Variants in PGM3 observed in about 807,000 individuals in gnomAD.
PGM3 encodes phosphoacetylglucosamine mutase.
Under a neutral mutation model 66.2 loss-of-function variants are expected in PGM3, and 40 were observed. That is an observed-to-expected ratio of 0.60 (90% CI 0.47 to 0.79). The LOEUF (loss-of-function observed/expected upper bound fraction) is 0.79. PGM3 is among the 30% of genes least tolerant of loss of function. The pLI, the probability that PGM3 is intolerant of heterozygous loss-of-function variation, is 0.00. For missense variants in PGM3, 537 were observed against 643.4 expected, an observed-to-expected ratio of 0.83 and a Z score of 1.79; for synonymous variants, 191 against 224.2, an observed-to-expected ratio of 0.85 and a Z score of 1.32.
Position 83,174,417 on chromosome 6 carries a change from TTTC to T in PGM3, c.1196_1198del (p.Arg399del). On this transcript the variant is annotated inframe_deletion, in exon 10 of 13. Coordinates refer to ENST00000513973, the MANE Select transcript of PGM3 (RefSeq NM_015599.3). ...AATGTTTTCAAGCATCTTAGCAGCT[TTTC>T]TTTTCTTATCTTCCAGTTGTTCTGC... 1.2e-6 allele frequency: 2 copies of T among 1,609,094 alleles called. No individual in the cohort carries two copies. The highest frequency in any genetic ancestry group is 1.7e-6 in the Non-Finnish European group (2 of 1,176,792).
intron 4 of PGM3, among the ~76,000 whole-genome samples, chr6:83,185,281 G>A (rs142151792): frequency 3.0e-4 from 45 of 152,302 alleles, no homozygotes; most frequent in African/African-American, 1.1e-3. Flanking sequence ...TTAAACAGAT[G>A]ACTGCATGTC....
rs951678634 is a variant in PGM3, at chr6:83,168,957, C to T, written c.*277G>A. 8.5e-7 allele frequency: 1 copy of T among 1,174,164 alleles called. No homozygotes were observed. Among genetic ancestry groups the T allele is most frequent in the African/African-American group, 1.5e-5 (1 of 64,626 alleles). The allele number at this position is 1,174,164 out of a possible 1,614,324, so 72.7% of individuals were successfully genotyped here. ...AGTAGCCTGCATGAATTGTTCCCCA[C>T]ATAAAACTGTACAGTTAGTGACTGA... On this transcript the variant is annotated 3_prime_UTR_variant, in exon 13 of 13. Transcript: ENST00000513973.
At chr6:83,188,215 G>A (rs930548074) in intron 3 of PGM3, among the ~76,000 whole-genome samples, 3 of 152,052 alleles carry the variant, frequency 2.0e-5, no homozygotes, top group African/African-American at 7.2e-5. Context: ...ATGGGAAAAT[G>A]ATATAAATAT....
At chr6:83,157,394 TATTA>T, downstream of PGM3, 7 of 1,438,474 alleles carry the variant, frequency 4.9e-6, no homozygotes, top group Non-Finnish European at 6.8e-6. Context: ...GCTTACTAGA[TATTA>T]ACGAATATTG....
At position 83,166,356 on chromosome 6, in the gene PGM3, T is replaced by G. The variant is rs1481416424; in HGVS notation, c.*2878A>C. The G allele has an allele frequency of 2.9e-6, 2 of 697,392 alleles. No individual in the cohort carries two copies. Among genetic ancestry groups the G allele is most frequent in the Non-Finnish European group, 5.2e-6 (2 of 383,184 alleles). The allele number at this position is 697,392 out of a possible 1,614,324, so 43.2% of individuals were successfully genotyped here. ...CCACTGCACTCCTCATCTTCAAGGCTCTAGTCTCCTTTGCAAAACTTCTTG... is the reference window on the plus strand; with the variant it reads ...CCACTGCACTCCTCATCTTCAAGGCGCTAGTCTCCTTTGCAAAACTTCTTG... On this transcript the variant is annotated 3_prime_UTR_variant, in exon 13 of 13. Transcript: ENST00000513973.
At chr6:83,183,657 C>G (rs1297880308) in intron 4 of PGM3, among the ~76,000 whole-genome samples, 4 of 152,112 alleles carry the variant, frequency 2.6e-5, no homozygotes, top group Non-Finnish European at 2.9e-5. Context: ...AGAGCTGTTA[C>G]CAAGCACAGG....
chr6:83,149,909 T>A, the PGM3 span, among the ~76,000 whole-genome samples: 1 of 152,112 alleles, frequency 6.6e-6, no homozygotes, highest in African/African-American at 2.4e-5. Flanking sequence ...AGGTGAGGAA[T>A]AATAAAAGGC....
chr6:83,158,727 T>C, downstream of PGM3: 2 of 766,750 alleles, frequency 2.6e-6, no homozygotes, highest in Non-Finnish European at 4.2e-6. Flanking sequence ...TGAATACTTA[T>C]TTATTATTAT....
chr6:83,192,929 T>C (rs1386316201), intron 1 of PGM3, among the ~76,000 whole-genome samples: 1 of 151,912 alleles, frequency 6.6e-6, no homozygotes, highest in Non-Finnish European at 1.5e-5. Context: ...TTCCCGGCAC[T>C]CCACCCTGAG....
the PGM3 span, chr6:83,151,552 C>T: frequency 6.6e-7 from 1 of 1,525,978 alleles, no homozygotes; most frequent in Non-Finnish European, 8.9e-7. Flanking sequence ...TTTCTTTTAG[C>T]CTGATATTTC....
downstream of PGM3, among the ~76,000 whole-genome samples, chr6:83,163,790 C>T (rs1583205675): frequency 6.6e-6 from 1 of 152,006 alleles, no homozygotes; most frequent in Non-Finnish European, 1.5e-5. Flanking sequence ...GGCTTTATGA[C>T]TCTTTAATAT....
In PGM3 at chr6:83,168,460, ATT is replaced by A; in HGVS notation, c.*772_*773del. 6 of 962,126 alleles carry A rather than the reference ATT, an allele frequency of 6.2e-6. No homozygotes were observed. The highest frequency in any genetic ancestry group is 1.5e-4 in the East Asian group (2 of 13,230). 59.6% of individuals were successfully genotyped at this position (962,126 alleles called of 1,614,324 possible). On this transcript the variant is annotated 3_prime_UTR_variant, in exon 13 of 13. Coordinates refer to ENST00000513973, the MANE Select transcript of PGM3 (RefSeq NM_015599.3). ...TAAACCTGCAAAATATACACTACCC[ATT>A]TTTTTTTTCCATTGGTTTCAGACTT...
downstream of PGM3, among the ~76,000 whole-genome samples, chr6:83,162,174 C>T (rs1399127924): frequency 6.6e-6 from 1 of 152,030 alleles, no homozygotes; most frequent in Non-Finnish European, 1.5e-5. Context: ...TTGATGAATC[C>T]TATGCGGGGA....
At chr6:83,188,217 T>C (rs1049002180) in intron 3 of PGM3, among the ~76,000 whole-genome samples, 1 of 152,154 alleles carries the variant, frequency 6.6e-6, no homozygotes, top group Non-Finnish European at 1.5e-5. Context: ...GGGAAAATGA[T>C]ATAAATATTT....
chr6:83,187,533 G>A (rs961720268), intron 3 of PGM3, among the ~76,000 whole-genome samples: 1 of 152,120 alleles, frequency 6.6e-6, no homozygotes, highest in Non-Finnish European at 1.5e-5. Flanking sequence ...AACTGCCTTG[G>A]CCAGGCACAG....
At chr6:83,164,713 G>A, downstream of PGM3, 1 of 1,591,010 alleles carries the variant, frequency 6.3e-7, no homozygotes, top group Non-Finnish European at 8.6e-7. Context: ...AGATGGCCAA[G>A]CATCAGGTGA....
In PGM3 at chr6:83,187,088, A is replaced by T. The variant is rs1483382961; in HGVS notation, c.390-13T>A. 1 of 1,566,886 alleles carries T rather than the reference A, an allele frequency of 6.4e-7. No individual in the cohort carries two copies. The highest frequency in any genetic ancestry group is 8.8e-7 in the Non-Finnish European group (1 of 1,140,000). On this transcript the variant is annotated splice_polypyrimidine_tract_variant and intron_variant, in intron 3 of 12. Transcript: ENST00000513973. Reference sequence around the variant, plus strand: ...CTCACTGCTGGGCCTAGGAAAGAAAAGGAAGAAAATAATATATCCCATCCT... The same window carrying T: ...CTCACTGCTGGGCCTAGGAAAGAAATGGAAGAAAATAATATATCCCATCCT...
chr6:83,174,305 C>A, intron 10 of PGM3, 69 bp downstream of exon 10: 1 of 826,060 alleles, frequency 1.2e-6, no homozygotes, highest in East Asian at 2.6e-5. Context: ...TATGCACCCA[C>A]ACTCTGTTCT....
At position 83,188,696 on chromosome 6, in the gene PGM3, G is replaced by A; in HGVS notation, c.307C>T (p.Gln103Ter). The A allele has an allele frequency of 6.2e-7, 1 of 1,613,846 alleles. No individual in the cohort carries two copies. The highest frequency in any genetic ancestry group is 8.5e-7 in the Non-Finnish European group (1 of 1,179,808). The change falls in exon 3 of 13, where the codon CAG becomes TAG. Residue 103 changes from glutamine (Q) to a stop codon, truncating the protein, a stop_gained. Transcript: ENST00000513973. LOFTEE classifies it high-confidence loss of function. ...TCGCTGATGTCAATAAGCACTCTCTGCATATCTTGTTCCTCAGCATTTGCT... is the reference window on the plus strand; with the variant it reads ...TCGCTGATGTCAATAAGCACTCTCTACATATCTTGTTCCTCAGCATTTGCT... Reference protein sequence around the residue: ...CLANAEEQDMQRVLIDISEKE... With the variant: ...CLANAEEQDM
Sources: allele counts gnomAD v4.1 joint callset (sites outside exome capture counted in the v4.1 genomes callset), GRCh38; gene constraint gnomAD v4.1.1; transcripts MANE v1.5; gene names NCBI Gene and HGNC (gene_info 2026-07-23, HGNC 2026-07-21).